Variants in SLC27A4 observed in about 807,000 individuals in gnomAD.
SLC27A4 encodes solute carrier family 27 member 4.
SLC27A4 carries 33 observed loss-of-function variants against 64.4 expected under a neutral mutation model. The ratio of observed to expected loss-of-function variants is 0.51; its 90% CI spans 0.39 to 0.68. The LOEUF is 0.68. SLC27A4 is among the 30% of genes least tolerant of loss of function. SLC27A4 has a pLI of 0.00. For synonymous variants in SLC27A4, 377 were observed against 370.0 expected (o/e 1.02, Z -0.22); for missense variants, 824 against 883.5 (o/e 0.93, Z 0.85).
chr9:128,357,519 G>A (rs1490595573), intron 12 of SLC27A4, among the ~76,000 whole-genome samples: 2 of 152,192 alleles, frequency 1.3e-5, no homozygotes, highest in African/African-American at 4.8e-5. Flanking sequence ...GTACGGAGTG[G>A]GAGAGGATTG....
In SLC27A4 at chr9:128,360,963, C is replaced by T. The variant is rs1360211872; in HGVS notation, c.*472C>T. 2 of 194,834 alleles carry T rather than the reference C, an allele frequency of 1.0e-5. No homozygotes were observed. The highest frequency in any genetic ancestry group is 2.2e-5 in the Non-Finnish European group (2 of 92,656). 12.1% of individuals were successfully genotyped at this position (194,834 alleles called of 1,614,324 possible). On this transcript the variant is annotated 3_prime_UTR_variant, in exon 13 of 13. Coordinates refer to ENST00000300456, the MANE Select transcript of SLC27A4 (RefSeq NM_005094.4). ...CAAGTTCACTGGGCTCCACCCCCAC[C>T]TCCAGGAGGGGAGGAGAGGACCTGA...
At chr9:128,352,488 T>C in intron 6 of SLC27A4, 150 bp from the exon 7 acceptor site, 3 of 699,468 alleles carry the variant, frequency 4.3e-6, no homozygotes, top group Non-Finnish European at 7.7e-6. Context: ...GGGAGGCTTC[T>C]TGGAGGAGGT....
chr9:128,360,141 TCCCCATGCCCCAACTTTGCCACAG>T (rs975407713), intron 12 of SLC27A4, among the ~76,000 whole-genome samples, 169 bp from the exon 13 acceptor site: 11 of 152,262 alleles, frequency 7.2e-5, no homozygotes, highest in African/African-American at 2.6e-4. Flanking sequence ...CTAGCAGCTG[TCCCCATGCCCCAACTTTGCCACAG>T]CTGCTGTATG....
chr9:128,345,635 T>C lies in SLC27A4; in HGVS notation c.556+86T>C. The C allele has an allele frequency of 6.9e-7, 1 of 1,440,996 alleles. No individual in the cohort carries two copies. Among genetic ancestry groups the C allele is most frequent in the Non-Finnish European group, 9.2e-7 (1 of 1,084,862 alleles). 89.3% of individuals were successfully genotyped at this position (1,440,996 alleles called of 1,614,324 possible). On this transcript the variant is annotated intron_variant, in intron 3 of 12. Transcript: ENST00000300456. This position sits in a 1 kb window ranked among gnomAD's most constrained non-coding sequence, Gnocchi z 4.1. The stretch of plus-strand genomic sequence containing the variant: ...CTCCCTTCCAGCCCTGCCAAGGCTG[T>C]GTGGGTCAGTGGTTAAGGGCACAGA...
intron 2 of SLC27A4, among the ~76,000 whole-genome samples, chr9:128,344,334 A>G (rs576977918): frequency 3.3e-5 from 5 of 152,254 alleles, no homozygotes; most frequent in African/African-American, 1.2e-4. Flanking sequence ...CCTGGGCAAC[A>G]TGGCAAAACC....
chr9:128,348,973 C>G (rs1057383595), intron 4 of SLC27A4, among the ~76,000 whole-genome samples: 1 of 141,174 alleles, frequency 7.1e-6, no homozygotes, highest in African/African-American at 2.6e-5. Context: ...GTTGAACAAG[C>G]CTTCATTGAT....
In SLC27A4 at chr9:128,340,846, T is replaced by C. The variant is rs1304759571; in HGVS notation, c.-7+8T>C. ...CGGCGGAGCCGACGCCGGGTGAGCA[T>C]AGACCGGGCTGGTGGGTTCCCGGGT... On this transcript the variant is annotated splice_region_variant and intron_variant, in intron 1 of 12. Coordinates refer to ENST00000300456, the MANE Select transcript of SLC27A4 (RefSeq NM_005094.4). The C allele has an allele frequency of 1.5e-6, 1 of 675,118 alleles. No individual in the cohort carries two copies. The highest frequency in any genetic ancestry group is 2.1e-5 in the Admixed American group (1 of 46,734). 41.8% of individuals were successfully genotyped at this position (675,118 alleles called of 1,614,324 possible). A position where few individuals can be genotyped will look rare whatever the true frequency, so the allele number is the denominator to read the frequency against.
chr9:128,353,067 C>G lies in SLC27A4; in HGVS notation c.1030C>G (p.Gln344Glu), dbSNP rs1477861155. The G allele has an allele frequency of 6.2e-7, 1 of 1,614,118 alleles. No homozygotes were observed. The highest frequency in any genetic ancestry group is 8.5e-7 in the Non-Finnish European group (1 of 1,179,996). ...IGELCRYLLNQPPREAENQHQ... is the reference protein window; with the variant it reads ...IGELCRYLLNEPPREAENQHQ... ...TGAACTGTGCCGCTACCTCCTGAAC[C>G]AGCCACCGCGGGAGGCAGAAAACCA... is the stretch of plus-strand genomic sequence containing the variant. Residue 344 changes from glutamine (Q) to glutamate (E), a missense_variant, in exon 8 of 13, where the codon CAG becomes GAG. By Grantham distance (29) the Gln-to-Glu change is conservative. Coordinates refer to ENST00000300456, the MANE Select transcript of SLC27A4 (RefSeq NM_005094.4). The surrounding 1 kb of genome is among the most constrained non-coding windows in gnomAD (Gnocchi z 4.9).
chr9:128,353,254 G>A lies in SLC27A4; in HGVS notation c.1197+20G>A. The A allele has an allele frequency of 4.3e-6, 7 of 1,613,028 alleles. No individual in the cohort carries two copies. The highest frequency in any genetic ancestry group is 5.9e-6 in the Non-Finnish European group (7 of 1,179,514). On this transcript the variant is annotated intron_variant, in intron 8 of 12. Transcript: ENST00000300456. The surrounding 1 kb of genome is among the most constrained non-coding windows in gnomAD (Gnocchi z 4.9). ...AGCCAGGTGCGGCCAGGTTGGGGATGGGCGAGGCTGCTGCAGGGATGGCCC... is the reference window on the plus strand; with the variant it reads ...AGCCAGGTGCGGCCAGGTTGGGGATAGGCGAGGCTGCTGCAGGGATGGCCC...
rs115296127 is a variant in SLC27A4 at position 128,347,608 on chromosome 9, T to C, written c.557-937T>C. Among the ~76,000 whole-genome samples, 1,201 of 151,370 alleles carry C rather than the reference T, an allele frequency of 7.9e-3. 14 individuals carry two copies. Among genetic ancestry groups the C allele is most frequent in the African/African-American group, 0.028 (1,161 of 41,152 alleles). ...CAGGTGTGGTGGCACACGCCTGTAATCTTGGCTACTCAGGAGGCTGAGGCA... is the reference window on the plus strand; with the variant it reads ...CAGGTGTGGTGGCACACGCCTGTAACCTTGGCTACTCAGGAGGCTGAGGCA... On this transcript the variant is annotated intron_variant, in intron 3 of 12. Transcript: ENST00000300456.
intron 12 of SLC27A4, among the ~76,000 whole-genome samples, chr9:128,357,093 CAAA>C (rs1318748501): frequency 2.1e-5 from 2 of 94,720 alleles, no homozygotes; most frequent in Non-Finnish European, 2.2e-5. Flanking sequence ...GACTCCGTCT[CAAA>C]AAAAAAAAAA....
At chr9:128,355,348 G>C (rs1404306602) in intron 10 of SLC27A4, 50 bp from the exon 11 acceptor site, 5 of 1,610,966 alleles carry the variant, frequency 3.1e-6, no homozygotes, top group Non-Finnish European at 4.2e-6. Flanking sequence ...CTTGAGCCCT[G>C]GTCTCAGAGC....
Position 128,360,492 on chromosome 9 carries a change from T to C in SLC27A4, c.*1T>C, listed in dbSNP as rs1588569485. The C allele has an allele frequency of 1.9e-6, 3 of 1,613,644 alleles. No homozygotes were observed. Among genetic ancestry groups the C allele is most frequent in the East Asian group, 4.5e-5 (2 of 44,878 alleles). On this transcript the variant is annotated 3_prime_UTR_variant, in exon 13 of 13. Coordinates refer to ENST00000300456, the MANE Select transcript of SLC27A4 (RefSeq NM_005094.4). ...CCAGGCAGGCGAGGAGAAGCTGTGA[T>C]TCCCCCCATCCCTCTGAGGGCCGGC...
chr9:128,355,771 C>T lies in SLC27A4; in HGVS notation c.1749C>T (p.Arg583=), dbSNP rs144710786. ...TGTATGCGCGCCCCATCTTCCTGCG[C>T]CTCCTGCCTGAGCTGCACAAAACAG... The part of the protein sequence containing the change: ...LPLYARPIFL[R]LLPELHKTGT... Residue 583 remains arginine, a synonymous_variant, in exon 12 of 13, where the codon CGC becomes CGT. Coordinates refer to ENST00000300456, the MANE Select transcript of SLC27A4 (RefSeq NM_005094.4). The T allele has an allele frequency of 1.6e-5, 26 of 1,613,576 alleles. No homozygotes were observed. The highest frequency in any genetic ancestry group is 2.1e-5 in the Non-Finnish European group (25 of 1,180,026).
chr9:128,351,729 TA>T (rs1832739832), intron 6 of SLC27A4, among the ~76,000 whole-genome samples: 1 of 134,816 alleles, frequency 7.4e-6, no homozygotes, highest in Non-Finnish European at 1.5e-5. Flanking sequence ...AATAAATAAA[TA>T]AATTAATTTA....
chr9:128,355,816 C>T lies in SLC27A4; in HGVS notation c.1774+20C>T, dbSNP rs1260154692. On this transcript the variant is annotated intron_variant, in intron 12 of 12. Coordinates refer to ENST00000300456, the MANE Select transcript of SLC27A4 (RefSeq NM_005094.4). Reference sequence around the variant, plus strand: ...AAACAGGTGTGTCCCTCCCCTGCTCCAGCTCTCGGATCCCAGGTCCCTTCC... The same window carrying T: ...AAACAGGTGTGTCCCTCCCCTGCTCTAGCTCTCGGATCCCAGGTCCCTTCC... 1.2e-6 allele frequency: 2 copies of T among 1,611,934 alleles called. No homozygotes were observed. Among genetic ancestry groups the T allele is most frequent in the Non-Finnish European group, 8.5e-7 (1 of 1,180,034 alleles).
chr9:128,350,669 C>G, intron 6 of SLC27A4, 94 bp downstream of exon 6: 1 of 1,027,952 alleles, frequency 9.7e-7, no homozygotes, highest in East Asian at 2.6e-5. Context: ...AAACACACAG[C>G]TTTGGGCCAG....
At position 128,343,178 on chromosome 9, in the gene SLC27A4, C is replaced by T. The variant is rs1037629923; in HGVS notation, c.46C>T (p.Leu16=). Residue 16 remains leucine (L), a synonymous_variant, in exon 2 of 13, where the codon CTG becomes TTG. Coordinates refer to ENST00000300456, the MANE Select transcript of SLC27A4 (RefSeq NM_005094.4). The stretch of plus-strand genomic sequence containing the variant: ...GGTGGGGGTGCTGCTGTTCTCCAAG[C>T]TGGTGCTGAAACTGCCCTGGACCCA... ...SLVGVLLFSK[L]VLKLPWTQVG... is the part of the protein sequence containing the mutation. 3 of 1,614,028 alleles carry T rather than the reference C, an allele frequency of 1.9e-6. No individual in the cohort carries two copies. Among genetic ancestry groups the T allele is most frequent in the Non-Finnish European group, 2.5e-6 (3 of 1,180,026 alleles).
intron 9 of SLC27A4, among the ~76,000 whole-genome samples, chr9:128,354,196 G>A (rs1375524944): frequency 7.3e-5 from 11 of 151,724 alleles, no homozygotes; most frequent in Non-Finnish European, 2.9e-5. Context: ...CATCCACCTC[G>A]GCCTCCCAAA....
Sources: gnomAD v4.1 joint callset for allele counts (sites outside exome capture counted in the v4.1 genomes callset) on GRCh38, gnomAD v4.1.1 for gene constraint, Gnocchi (gnomAD v3.1) non-coding constraint, MANE v1.5 for transcripts, NCBI Gene and HGNC (gene_info 2026-07-23, HGNC 2026-07-21) for gene names.